ERC2: variants seen among roughly 807,000 people sequenced by gnomAD.
The protein encoded by ERC2 is ERC protein 2.
Under a neutral mutation model 114.8 loss-of-function variants are expected in ERC2, and 42 were observed. The observed-to-expected ratio is 0.37, with a 90% confidence interval of 0.29 to 0.47. The LOEUF is 0.47. Among genes scored for constraint, ERC2 ranks in the 20% least tolerant of loss-of-function variants. ERC2 has a pLI of 0.99. For missense variants in ERC2, 939 were observed against 1,150.7 expected (o/e 0.82, Z 2.66); for synonymous variants, 454 against 425.5 (o/e 1.07, Z -0.82).
chr3:55,997,891 T>G (rs1218262201), intron 10 of ERC2, among the ~76,000 whole-genome samples: 42 of 52,918 alleles, frequency 7.9e-4, no homozygotes, highest in African/African-American at 2.3e-3. Context: ...TTTTTTTTTT[T>G]TTTTTTTTTT....
At chr3:55,716,592 A>G (rs1295070248) in intron 15 of ERC2, among the ~76,000 whole-genome samples, 3 of 152,178 alleles carry the variant, frequency 2.0e-5, no homozygotes, top group African/African-American at 7.2e-5. Flanking sequence ...TGCTCTAGAT[A>G]CCTGAGCTAA....
intron 5 of ERC2, among the ~76,000 whole-genome samples, chr3:56,146,386 G>A (rs1023192454): frequency 5.9e-5 from 9 of 152,110 alleles, no homozygotes; most frequent in African/African-American, 2.2e-4. Context: ...AATCCAATAA[G>A]AACATTCTTT....
At chr3:56,213,445 C>T (rs2049216238) in intron 3 of ERC2, among the ~76,000 whole-genome samples, 1 of 152,172 alleles carries the variant, frequency 6.6e-6, no homozygotes, top group Non-Finnish European at 1.5e-5. Flanking sequence ...GATCAAAGTG[C>T]AAGTGGGCAG....
intron 17 of ERC2, among the ~76,000 whole-genome samples, chr3:55,543,174 A>G (rs1259126048): frequency 6.6e-6 from 1 of 152,032 alleles, no homozygotes; most frequent in Admixed American, 6.5e-5. Context: ...GTGGAGGAGT[A>G]AGGCTGAAAT....
At chr3:56,349,241 A>T (rs17056727) in intron 2 of ERC2, among the ~76,000 whole-genome samples, 6,105 of 152,294 alleles carry the variant, frequency 0.04, 173 homozygotes, top group African/African-American at 0.076. Context: ...CAACGAAATT[A>T]GGGCTTGATC....
intron 17 of ERC2, among the ~76,000 whole-genome samples, chr3:55,608,335 C>T (rs2058734265): frequency 6.6e-6 from 1 of 152,188 alleles, no homozygotes; most frequent in African/African-American, 2.4e-5. Flanking sequence ...GTTTTCCCTC[C>T]ACCAAGTAAG....
At chr3:55,936,149 C>G (rs918380935) in intron 13 of ERC2, among the ~76,000 whole-genome samples, 2 of 152,160 alleles carry the variant, frequency 1.3e-5, no homozygotes, top group African/African-American at 4.8e-5. Context: ...CCCGAGCCCC[C>G]TGCATGGGCT....
At chr3:56,137,332 TGGG>T (rs2080568176) in intron 6 of ERC2, among the ~76,000 whole-genome samples, 1 of 152,138 alleles carries the variant, frequency 6.6e-6, no homozygotes, top group South Asian at 2.1e-4. Flanking sequence ...TGACAAAATA[TGGG>T]TACAAGCAGT....
rs116689605 is a variant in ERC2, at chr3:55,789,099, A to G, written c.2565-54181T>C. 6.8e-3 allele frequency among the ~76,000 whole-genome samples: 1,029 copies of G among 152,336 alleles called. 9 individuals carry two copies. Among genetic ancestry groups the G allele is most frequent in the African/African-American group, 0.023 (970 of 41,582 alleles). ...GATTCATCTTTGTCGTCGTGTTACA[A>G]TAGTTCATGCTCATTGTTCTAGAGC... On this transcript the variant is annotated intron_variant, in intron 14 of 17. Transcript: ENST00000288221.
intron 12 of ERC2, among the ~76,000 whole-genome samples, chr3:55,977,347 G>A (rs982273267): frequency 2.2e-4 from 26 of 118,520 alleles, no homozygotes; most frequent in African/African-American, 8.4e-4. Context: ...ACCACCATTA[G>A]CCAAATAAAA....
chr3:55,961,481 C>T (rs1460162770), intron 12 of ERC2, among the ~76,000 whole-genome samples: 2 of 152,154 alleles, frequency 1.3e-5, no homozygotes, highest in African/African-American at 4.8e-5. Flanking sequence ...CACACTTCTG[C>T]TCCTTTTCTG....
intron 14 of ERC2, among the ~76,000 whole-genome samples, chr3:55,747,959 T>C (rs781217442): frequency 4.6e-5 from 7 of 152,190 alleles, no homozygotes; most frequent in Non-Finnish European, 8.8e-5. Context: ...TGAATACAAT[T>C]TGTGGGATGC....
At chr3:56,081,020 A>C in intron 6 of ERC2, 36 bp from the exon 7 acceptor site, 1 of 1,604,046 alleles carries the variant, frequency 6.2e-7, no homozygotes, top group Non-Finnish European at 8.5e-7. Flanking sequence ...TTGTGGTTTT[A>C]CAGAAAGGTC....
At chr3:56,005,635 A>C (rs1160792127) in intron 10 of ERC2, among the ~76,000 whole-genome samples, 1 of 152,026 alleles carries the variant, frequency 6.6e-6, no homozygotes, top group African/African-American at 2.4e-5. Context: ...ACAATGACTC[A>C]TCAGAGTAGG....
chr3:55,601,348 A>T (rs966760308), intron 17 of ERC2, among the ~76,000 whole-genome samples: 4 of 152,172 alleles, frequency 2.6e-5, no homozygotes, highest in Admixed American at 6.5e-5. Context: ...TTGCCCTTTT[A>T]TTTTAATCAA....
chr3:55,562,489 A>G (rs2056091842), intron 17 of ERC2, among the ~76,000 whole-genome samples: 2 of 152,150 alleles, frequency 1.3e-5, no homozygotes, highest in African/African-American at 2.4e-5. Context: ...ATTTGAGTTG[A>G]GTATTTGTCA....
At chr3:55,954,726 A>T (rs142124016) in intron 12 of ERC2, among the ~76,000 whole-genome samples, 2 of 152,302 alleles carry the variant, frequency 1.3e-5, no homozygotes, top group East Asian at 3.9e-4. Flanking sequence ...GGAGGAGTAT[A>T]ATTAACGAAA....
intron 13 of ERC2, among the ~76,000 whole-genome samples, chr3:55,915,165 C>T (rs188155273): frequency 6.6e-6 from 1 of 152,030 alleles, no homozygotes; most frequent in African/African-American, 2.4e-5. Context: ...TCTACTTTAC[C>T]AAGTATATAA....
At chr3:55,666,190 A>G (rs1329275141) in intron 17 of ERC2, among the ~76,000 whole-genome samples, 2 of 152,144 alleles carry the variant, frequency 1.3e-5, no homozygotes, top group South Asian at 2.1e-4. Context: ...GGGGATTTGA[A>G]TCAAGTCTGT....
Sources: gnomAD v4.1 joint callset for allele counts (sites outside exome capture counted in the v4.1 genomes callset) on GRCh38, gnomAD v4.1.1 for gene constraint, MANE v1.5 for transcripts, NCBI Gene and HGNC (gene_info 2026-07-23, HGNC 2026-07-21) for gene names.